ANKAR: variants seen among roughly 807,000 people sequenced by gnomAD.
The protein encoded by ANKAR is ankyrin and armadillo repeat containing.
In ANKAR, 136 loss-of-function variants were observed where a neutral mutation model predicts 146.2. The observed-to-expected ratio is 0.93, with a 90% confidence interval of 0.81 to 1.07. ANKAR has a LOEUF of 1.07. ANKAR is among the 50% of genes least tolerant of loss of function. The pLI is 0.00. For synonymous variants in ANKAR, 500 were observed against 575.8 expected, an observed-to-expected ratio of 0.87 and a Z score of 1.88; for missense variants, 1,567 against 1,679.9, an observed-to-expected ratio of 0.93 and a Z score of 1.18.
In ANKAR at chr2:189,754,254, C is replaced by T. The variant is rs773773566; in HGVS notation, c.*585-6844C>T. 7 of 1,613,812 alleles carry T rather than the reference C, an allele frequency of 4.3e-6. No individual in the cohort carries two copies. The South Asian group carries it at 7.7e-5, about 18-fold the overall frequency. On this transcript the variant is annotated intron_variant and NMD_transcript_variant, in intron 18 of 18. Coordinates refer to the ANKAR transcript ENST00000441800. The stretch of plus-strand genomic sequence containing the variant: ...GGGAGGTTTGATGTCAAAATGAAAT[C>T]TATTTCCTTGTTTGGCCAAATGTTC...
At chr2:189,737,955 T>G (rs1211668033) in intron 18 of ANKAR, 114 bp downstream of exon 18, 10 of 997,696 alleles carry the variant, frequency 1.0e-5, no homozygotes, top group Non-Finnish European at 1.4e-5. Context: ...AAAAACTTAG[T>G]ACTTTGCACA....
At chr2:189,754,527 T>C in intron 18 of ANKAR, 1 of 576,566 alleles carries the variant, frequency 1.7e-6, no homozygotes. Flanking sequence ...CTGTTCCTTA[T>C]GATGACCCGA....
At chr2:189,684,728 G>C (rs1164646823) in intron 2 of ANKAR, among the ~76,000 whole-genome samples, 1 of 151,036 alleles carries the variant, frequency 6.6e-6, no homozygotes, top group Non-Finnish European at 1.5e-5. Context: ...ATGCTCGGGA[G>C]GCTGAGGTGG....
chr2:189,698,828 A>G (rs1427650500), intron 7 of ANKAR, among the ~76,000 whole-genome samples: 3 of 152,196 alleles, frequency 2.0e-5, no homozygotes, highest in African/African-American at 7.2e-5. Flanking sequence ...CTGCAGGTGC[A>G]GGAGAGCCAG....
chr2:189,740,706 T>A (rs1455472111), intron 19 of ANKAR, among the ~76,000 whole-genome samples: 2 of 151,788 alleles, frequency 1.3e-5, no homozygotes, highest in Non-Finnish European at 2.9e-5. Context: ...TAATTTTTTT[T>A]TTTTGAGACG....
intron 7 of ANKAR, among the ~76,000 whole-genome samples, chr2:189,704,390 C>T (rs1273123302): frequency 6.6e-6 from 1 of 150,986 alleles, no homozygotes; most frequent in Non-Finnish European, 1.5e-5. Flanking sequence ...GGTGATCCAC[C>T]CACCTCAGCT....
intron 2 of ANKAR, among the ~76,000 whole-genome samples, chr2:189,681,200 A>G (rs901729502): frequency 6.6e-6 from 1 of 152,220 alleles, no homozygotes; most frequent in Non-Finnish European, 1.5e-5. Context: ...AATTCTAGAA[A>G]GTGATAAAGG....
chr2:189,679,795 G>C (rs1574328448), intron 2 of ANKAR, among the ~76,000 whole-genome samples: 1 of 152,094 alleles, frequency 6.6e-6, no homozygotes, highest in South Asian at 2.1e-4. Flanking sequence ...CTTCATCCCT[G>C]GCACGAAACC....
At chr2:189,700,788 G>T (rs891294777) in intron 7 of ANKAR, among the ~76,000 whole-genome samples, 1 of 152,108 alleles carries the variant, frequency 6.6e-6, no homozygotes, top group African/African-American at 2.4e-5. Context: ...GGCAAAGTTT[G>T]TCTTTCTTTG....
At chr2:189,718,628 TTATTATATC>T (rs2040847757) in intron 10 of ANKAR, among the ~76,000 whole-genome samples, 1 of 152,196 alleles carries the variant, frequency 6.6e-6, no homozygotes. Flanking sequence ...AATAAGGTCT[TTATTATATC>T]TATTATATTT....
intron 20 of ANKAR, among the ~76,000 whole-genome samples, chr2:189,742,612 A>C (rs2043443075): frequency 6.6e-6 from 1 of 152,128 alleles, no homozygotes; most frequent in South Asian, 2.1e-4. Context: ...TCTGTTACCA[A>C]GAGTTCAGCT....
chr2:189,687,516 T>C (rs746468055), intron 2 of ANKAR, among the ~76,000 whole-genome samples: 2 of 152,206 alleles, frequency 1.3e-5, no homozygotes, highest in Non-Finnish European at 2.9e-5. Context: ...GCTATATTTT[T>C]AGTTTTTTGA....
At chr2:189,713,075 A>G (rs2039930105) in intron 10 of ANKAR, among the ~76,000 whole-genome samples, 1 of 152,216 alleles carries the variant, frequency 6.6e-6, no homozygotes, top group Non-Finnish European at 1.5e-5. Context: ...GAGAAAAAAG[A>G]GTAAGAAGAA....
intron 2 of ANKAR, among the ~76,000 whole-genome samples, chr2:189,686,735 T>C (rs2105781160): frequency 6.6e-6 from 1 of 152,358 alleles, no homozygotes; most frequent in African/African-American, 2.4e-5. Context: ...AGTAACCTAC[T>C]CATCTGTCTG....
intron 1 of ANKAR, 45 bp from the exon 2 acceptor site, chr2:189,676,411 C>T: frequency 7.1e-7 from 1 of 1,408,808 alleles, no homozygotes. Context: ...GTTTCATTGG[C>T]ATGTCAGATT....
At chr2:189,720,541 C>T (rs555863088) in intron 11 of ANKAR, 78 bp from the exon 12 acceptor site, 346 of 1,094,816 alleles carry the variant, frequency 3.2e-4, no homozygotes, top group East Asian at 8.9e-4. Context: ...CCACCACTTC[C>T]GGCCAACTTG....
intron 9 of ANKAR, 108 bp from the exon 10 acceptor site, chr2:189,710,938 AGTG>A: frequency 1.3e-6 from 1 of 798,000 alleles, no homozygotes; most frequent in African/African-American, 1.7e-5. Flanking sequence ...TGGTGGTAAT[AGTG>A]GTGACCTCAA....
At chr2:189,751,934 C>A (rs1280052419) in intron 18 of ANKAR, among the ~76,000 whole-genome samples, 1 of 151,090 alleles carries the variant, frequency 6.6e-6, no homozygotes, top group African/African-American at 2.4e-5. Context: ...TCACTTGAGG[C>A]CTGGAGTTCG....
chr2:189,755,453 G>A, intron 18 of ANKAR: 1 of 1,606,586 alleles, frequency 6.2e-7, no homozygotes, highest in Non-Finnish European at 8.5e-7. Flanking sequence ...TGCAATTGCT[G>A]AGAGGTCACT....
Sources: allele counts gnomAD v4.1 joint callset (sites outside exome capture counted in the v4.1 genomes callset), GRCh38; gene constraint gnomAD v4.1.1; transcripts MANE v1.5; gene names NCBI Gene and HGNC (gene_info 2026-07-23, HGNC 2026-07-21).